Variants in PTPRD observed in about 807,000 individuals in gnomAD.
PTPRD encodes the protein protein tyrosine phosphatase receptor type D, also known as receptor-type tyrosine-protein phosphatase delta.
In PTPRD, 34 loss-of-function variants were observed where a neutral mutation model predicts 214.5. The ratio of observed to expected loss-of-function variants is 0.16; its 90% CI spans 0.12 to 0.21. The LOEUF is 0.21. Ranked by LOEUF, PTPRD falls within the 10% of genes least tolerant of loss-of-function variation. PTPRD has a pLI of 1.00. For synonymous variants in PTPRD, 1,128 were observed against 845.7 expected, an observed-to-expected ratio of 1.33 and a Z score of -5.79; for missense variants, 2,545 against 2,398.7, an observed-to-expected ratio of 1.06 and a Z score of -1.27.
intron 2 of PTPRD, among the ~76,000 whole-genome samples, chr9:10,531,336 A>G (rs774019788): frequency 6.6e-6 from 1 of 152,186 alleles, no homozygotes; most frequent in Non-Finnish European, 1.5e-5. Flanking sequence ...CTATAACAGA[A>G]TAAGTGTTCC....
chr9:9,221,808 A>C (rs1206196186), intron 9 of PTPRD, among the ~76,000 whole-genome samples: 1 of 152,032 alleles, frequency 6.6e-6, no homozygotes, highest in Non-Finnish European at 1.5e-5. Context: ...TAGCAGAAGA[A>C]GACAAAGGAA....
chr9:8,324,091 G>A lies in PTPRD; in HGVS notation c.5535-4125C>T, dbSNP rs574258673. Among the ~76,000 whole-genome samples the A allele has an allele frequency of 2.4e-4, 36 of 149,270 alleles. 1 individual carries two copies. Among genetic ancestry groups the A allele is most frequent in the Admixed American group, 1.5e-3 (22 of 14,726 alleles). On this transcript the variant is annotated intron_variant, in intron 44 of 45. Coordinates refer to ENST00000381196, the MANE Select transcript of PTPRD (RefSeq NM_002839.4). Reference sequence around the variant, plus strand: ...ATTAAAACTTACCGGAGGCTCAGATGATGATTAGCATTTTTTTTTTTTTTT... The same window carrying A: ...ATTAAAACTTACCGGAGGCTCAGATAATGATTAGCATTTTTTTTTTTTTTT...
intron 4 of PTPRD, among the ~76,000 whole-genome samples, chr9:10,018,197 G>A (rs997565415): frequency 6.6e-6 from 1 of 151,982 alleles, no homozygotes; most frequent in African/African-American, 2.4e-5. Flanking sequence ...GAGGAGGAGA[G>A]AGAGAGAAGG....
chr9:9,849,710 C>T (rs560426466), intron 5 of PTPRD, among the ~76,000 whole-genome samples: 1 of 152,174 alleles, frequency 6.6e-6, no homozygotes, highest in African/African-American at 2.4e-5. Context: ...CCCACTGAAT[C>T]AGTGCTAAGG....
Position 9,109,485 on chromosome 9 carries a change from T to C in PTPRD, c.-143+73819A>G, listed in dbSNP as rs113144588. On this transcript the variant is annotated intron_variant, in intron 10 of 45. Transcript: ENST00000381196. ...ATGCAAAGACCTACCTCAGCAGTAG[T>C]TGTGAGGATGAAATAAGAAAATGTA... Among the ~76,000 whole-genome samples the C allele has an allele frequency of 1.4e-3, 207 of 152,162 alleles. 1 individual carries two copies. Among genetic ancestry groups the C allele is most frequent in the African/African-American group, 4.5e-3 (187 of 41,528 alleles).
chr9:10,025,975 A>C (rs727756), intron 4 of PTPRD, among the ~76,000 whole-genome samples: 2 of 151,980 alleles, frequency 1.3e-5, no homozygotes, highest in Admixed American at 1.3e-4. Flanking sequence ...CTAGAGATTA[A>C]CTCAGGATAC....
At chr9:9,061,721 A>C (rs2099707739) in intron 10 of PTPRD, among the ~76,000 whole-genome samples, 1 of 152,198 alleles carries the variant, frequency 6.6e-6, no homozygotes, top group South Asian at 2.1e-4. Flanking sequence ...TCACTGTAGC[A>C]AACAGCTGTT....
At chr9:9,610,225 C>A (rs865898581) in intron 7 of PTPRD, among the ~76,000 whole-genome samples, 8 of 152,158 alleles carry the variant, frequency 5.3e-5, no homozygotes, top group African/African-American at 1.9e-4. Context: ...GATAATTACC[C>A]ACTCAGTCCT....
At chr9:8,657,289 T>G (rs2096931193) in intron 12 of PTPRD, among the ~76,000 whole-genome samples, 2 of 151,006 alleles carry the variant, frequency 1.3e-5, no homozygotes, top group African/African-American at 4.9e-5. Flanking sequence ...TGCCTCAGCC[T>G]CCTGAGTAGC....
At chr9:8,628,299 G>C (rs2096119623) in intron 14 of PTPRD, among the ~76,000 whole-genome samples, 1 of 151,836 alleles carries the variant, frequency 6.6e-6, no homozygotes, top group South Asian at 2.1e-4. Context: ...AGAGATAGTT[G>C]ACTGCCTTCT....
chr9:9,064,112 T>C (rs1404773273), intron 10 of PTPRD, among the ~76,000 whole-genome samples: 1 of 152,152 alleles, frequency 6.6e-6, no homozygotes, highest in Non-Finnish European at 1.5e-5. Context: ...TTATATATCA[T>C]GTTGTAGAAA....
chr9:10,337,953 C>T (rs2096872125), intron 3 of PTPRD, among the ~76,000 whole-genome samples: 1 of 151,616 alleles, frequency 6.6e-6, no homozygotes, highest in African/African-American at 2.4e-5. Flanking sequence ...TTTCTTAACA[C>T]TTTCCTAATA....
chr9:9,483,709 G>C (rs1455728533), intron 8 of PTPRD, among the ~76,000 whole-genome samples: 1 of 151,758 alleles, frequency 6.6e-6, no homozygotes, highest in Non-Finnish European at 1.5e-5. Flanking sequence ...GATGCTCTGA[G>C]CCCAAGGAAT....
chr9:9,275,128 T>TTATATATAA (rs1367297047), intron 9 of PTPRD, among the ~76,000 whole-genome samples: 1 of 49,784 alleles, frequency 2.0e-5, no homozygotes, highest in African/African-American at 7.4e-5. Flanking sequence ...ATTATATATA[T>TTATATATAA]TATATATAAT....
rs114209400 is a variant in PTPRD at position 9,595,033 on chromosome 9, G to A, written c.-286-20252C>T. On this transcript the variant is annotated intron_variant, in intron 7 of 45. Transcript: ENST00000381196. ...GGGGAATGCAAATCAAAACCACAAT[G>A]CAATACTACCTTACTCCAGCAAGAA... 8.7e-3 allele frequency among the ~76,000 whole-genome samples: 1,325 copies of A among 151,878 alleles called. 21 individuals are homozygous for A. The highest frequency in any genetic ancestry group is 0.031 in the African/African-American group (1,266 of 41,426).
intron 8 of PTPRD, among the ~76,000 whole-genome samples, chr9:9,532,916 T>C (rs780604995): frequency 6.6e-6 from 1 of 152,148 alleles, no homozygotes; most frequent in Non-Finnish European, 1.5e-5. Flanking sequence ...TTGTGGACTA[T>C]TTAAAAATTT....
chr9:8,509,076 C>T (rs1216993035), intron 21 of PTPRD, among the ~76,000 whole-genome samples: 1 of 152,052 alleles, frequency 6.6e-6, no homozygotes, highest in Non-Finnish European at 1.5e-5. Flanking sequence ...AGCTTACCTT[C>T]TGAACAGAGT....
intron 3 of PTPRD, among the ~76,000 whole-genome samples, chr9:10,145,717 A>G (rs2099017564): frequency 6.6e-6 from 1 of 152,110 alleles, no homozygotes; most frequent in Admixed American, 6.6e-5. Flanking sequence ...GCATGTGTGT[A>G]TGTGTATAAA....
intron 4 of PTPRD, among the ~76,000 whole-genome samples, chr9:9,947,447 A>T (rs1399862420): frequency 3.8e-5 from 1 of 26,508 alleles, no homozygotes; most frequent in Non-Finnish European, 5.0e-5. Flanking sequence ...TATATATTTT[A>T]TATATTTTTA....
Sources: gnomAD v4.1 joint callset for allele counts (sites outside exome capture counted in the v4.1 genomes callset) on GRCh38, gnomAD v4.1.1 for gene constraint, MANE v1.5 for transcripts, NCBI Gene and HGNC (gene_info 2026-07-23, HGNC 2026-07-21) for gene names.